The following PNKD variants were observed in gnomAD, a reference collection of about 807,000 sequenced individuals.
The protein encoded by PNKD is probable thioesterase PNKD.
Under a neutral mutation model 45.3 loss-of-function variants are expected in PNKD, and 36 were observed. The observed-to-expected ratio is 0.80, with a 90% confidence interval of 0.61 to 1.05. PNKD has a LOEUF of 1.05. Among genes scored for constraint, PNKD ranks in the 50% least tolerant of loss-of-function variants. The probability of loss-of-function intolerance (pLI) is 0.00; values close to 1 mark genes in which losing one functional copy is unlikely to be tolerated. For synonymous variants in PNKD, 197 were observed against 210.1 expected (o/e 0.94, Z 0.54); for missense variants, 511 against 506.6 (o/e 1.01, Z -0.08).
chr2:218,345,181 G>A lies in PNKD; in HGVS notation c.*200G>A. The A allele has an allele frequency of 1.7e-6, 1 of 594,348 alleles. No individual in the cohort carries two copies. The highest frequency in any genetic ancestry group is 2.8e-5 in the East Asian group (1 of 35,878). The allele number at this position is 594,348 out of a possible 1,614,324, so 36.8% of individuals were successfully genotyped here. ...AAGAAGGGGGCCTGTTGGAGGCTGGGAACCCCGCAGCGCGAGGCTGCCTCA... is the reference window on the plus strand; with the variant it reads ...AAGAAGGGGGCCTGTTGGAGGCTGGAAACCCCGCAGCGCGAGGCTGCCTCA... On this transcript the variant is annotated 3_prime_UTR_variant, in exon 10 of 10. Coordinates refer to ENST00000273077, the MANE Select transcript of PNKD (RefSeq NM_015488.5).
chr2:218,298,639 C>A (rs988725643), intron 2 of PNKD, among the ~76,000 whole-genome samples: 8 of 152,168 alleles, frequency 5.3e-5, no homozygotes, highest in Admixed American at 1.3e-4. Context: ...CCTCCTTTCA[C>A]ACTAAGCAGG....
chr2:218,279,176 C>T, intron 2 of PNKD: 14 of 1,590,312 alleles, frequency 8.8e-6, no homozygotes, highest in Non-Finnish European at 1.2e-5. Context: ...GCTTCACCTT[C>T]TCTAATTGCC....
At chr2:218,272,598 CTCT>C in intron 2 of PNKD, 1 of 1,614,160 alleles carries the variant, frequency 6.2e-7, no homozygotes, top group Non-Finnish European at 8.5e-7. Context: ...TGGTATCCTC[CTCT>C]TCATCCTCAC....
At chr2:218,324,931 G>A (rs62183995) in intron 2 of PNKD, among the ~76,000 whole-genome samples, 47,440 of 142,776 alleles carry the variant, frequency 0.33, 7,985 homozygotes, top group Middle Eastern at 0.51. Flanking sequence ...GTGAGACTCC[G>A]TCTCAAAAAA....
intron 2 of PNKD, chr2:218,292,523 C>G (rs991028976): frequency 6.6e-6 from 1 of 152,156 alleles, no homozygotes; most frequent in Non-Finnish European, 1.5e-5. Context: ...CCTCCGGGGC[C>G]GGGCAGGGCT....
chr2:218,281,141 G>GTTTTTTTTTGGTT (rs1559504843), intron 2 of PNKD: 92 of 95,652 alleles, frequency 9.6e-4, no homozygotes, highest in South Asian at 2.8e-3. Flanking sequence ...TTTTTTTTTG[G>GTTTTTTTTTGGTT]TTTTTTTTTT....
intron 2 of PNKD, among the ~76,000 whole-genome samples, chr2:218,301,805 G>A (rs1326160181): frequency 6.6e-6 from 1 of 151,952 alleles, no homozygotes; most frequent in East Asian, 1.9e-4. Flanking sequence ...AAACAAAAAC[G>A]GGAGAAAAGA....
chr2:218,334,001 G>A (rs1319877328), intron 2 of PNKD, among the ~76,000 whole-genome samples: 3 of 147,056 alleles, frequency 2.0e-5, no homozygotes. Flanking sequence ...TGTAATAGCA[G>A]CTTCTAAGGA....
chr2:218,272,935 T>G, intron 2 of PNKD: 1 of 1,481,622 alleles, frequency 6.7e-7, no homozygotes, highest in Non-Finnish European at 9.0e-7. Flanking sequence ...ATTGAGTGTT[T>G]AGTAGAAAGG....
intron 8 of PNKD, among the ~76,000 whole-genome samples, 177 bp from the exon 9 acceptor site, chr2:218,344,278 C>T (rs1009266276): frequency 6.6e-6 from 1 of 152,214 alleles, no homozygotes; most frequent in Non-Finnish European, 1.5e-5. Flanking sequence ...TCACCCATGG[C>T]TGACTTGTGC....
intron 2 of PNKD, among the ~76,000 whole-genome samples, chr2:218,313,118 T>A (rs1048645567): frequency 2.6e-5 from 4 of 151,882 alleles, no homozygotes; most frequent in Non-Finnish European, 4.4e-5. Context: ...AATTTTTTTT[T>A]TTTTGGAGAC....
chr2:218,328,634 A>G lies in PNKD; in HGVS notation c.237-11149A>G, dbSNP rs543005078. ...GTTTTCACACACATAGGTAAGATGC[A>G]CCTCCCTCAAACCTTGTGATGATGT... On this transcript the variant is annotated intron_variant, in intron 2 of 9. Coordinates refer to ENST00000273077, the MANE Select transcript of PNKD (RefSeq NM_015488.5). Among the ~76,000 whole-genome samples, 80 of 152,166 alleles carry G rather than the reference A, an allele frequency of 5.3e-4. No individual in the cohort carries two copies. The South Asian group carries it at 0.014, about 26-fold the overall frequency.
chr2:218,278,079 C>T, intron 2 of PNKD: 1 of 1,342,444 alleles, frequency 7.4e-7, no homozygotes, highest in East Asian at 2.4e-5. Flanking sequence ...GAGGATTAAG[C>T]CTTGACTCCA....
rs985574679 is a variant in PNKD at position 218,345,667 on chromosome 2, T to C, written c.*686T>C. On this transcript the variant is annotated 3_prime_UTR_variant, in exon 10 of 10. Transcript: ENST00000273077. ...CCTGATTGCCAAGGAAACCTCCTCA[T>C]TGGGCTAAGGAGACACTGGAGTCTG... 1.1e-4 allele frequency: 17 copies of C among 152,688 alleles called. No individual in the cohort carries two copies. The highest frequency in any genetic ancestry group is 3.4e-4 in the African/African-American group (14 of 41,546). The allele number at this position is 152,688 out of a possible 1,614,324, so 9.5% of individuals were successfully genotyped here.
intron 2 of PNKD, among the ~76,000 whole-genome samples, chr2:218,334,117 A>G (rs1694414101): frequency 6.6e-6 from 1 of 151,458 alleles, no homozygotes; most frequent in Non-Finnish European, 1.5e-5. Flanking sequence ...TCAGTCTAAA[A>G]ACAAACAAAC....
chr2:218,320,358 T>C (rs556372639), intron 2 of PNKD, among the ~76,000 whole-genome samples: 7 of 152,358 alleles, frequency 4.6e-5, no homozygotes, highest in Admixed American at 3.9e-4. Flanking sequence ...ACCTCAAACA[T>C]TGATCATTTC....
intron 2 of PNKD, among the ~76,000 whole-genome samples, chr2:218,318,410 T>C (rs1475971524): frequency 6.6e-6 from 1 of 152,220 alleles, no homozygotes; most frequent in East Asian, 1.9e-4. Context: ...CTCCTGCAGC[T>C]TCCTCTGATA....
intron 2 of PNKD, chr2:218,280,805 C>CTTTTTTTTTTTTTTTTTTTTTTTTT (rs950294415): frequency 9.6e-6 from 1 of 104,040 alleles, no homozygotes; most frequent in African/African-American, 4.5e-5. Context: ...ACCTCATTTC[C>CTTTTTTTTTTTTTTTTTTTTTTTTT]TTTTTTTTTT....
chr2:218,281,850 T>G (rs1692034390), intron 2 of PNKD: 1 of 1,011,684 alleles, frequency 9.9e-7, no homozygotes, highest in Admixed American at 2.3e-5. Context: ...TAAGGGAAAC[T>G]AGAAGAGAAA....
Sources: gnomAD v4.1 joint callset for allele counts (sites outside exome capture counted in the v4.1 genomes callset) on GRCh38, gnomAD v4.1.1 for gene constraint, MANE v1.5 for transcripts, NCBI Gene and HGNC (gene_info 2026-07-23, HGNC 2026-07-21) for gene names.